PTPRD: variants seen among roughly 807,000 people sequenced by gnomAD.
The protein encoded by PTPRD is protein tyrosine phosphatase receptor type D, also known as receptor-type tyrosine-protein phosphatase delta.
A neutral mutation model predicts 214.5 loss-of-function variants in PTPRD; 34 were observed. The observed-to-expected ratio is 0.16, with a 90% CI of 0.12 to 0.21. The LOEUF is 0.21. PTPRD is among the 10% of genes least tolerant of loss of function. The pLI, the probability that PTPRD is intolerant of heterozygous loss-of-function variation, is 1.00. For missense variants in PTPRD, 2,545 were observed against 2,398.7 expected (o/e 1.06, Z -1.27); for synonymous variants, 1,128 against 845.7 (o/e 1.33, Z -5.79).
At chr9:9,019,285 A>G (rs1189975005) in intron 10 of PTPRD, among the ~76,000 whole-genome samples, 1 of 30,936 alleles carries the variant, frequency 3.2e-5, no homozygotes, top group Non-Finnish European at 6.8e-5. Context: ...AAGAAAGAAG[A>G]AAGAAAGAAA....
At chr9:8,496,075 A>T (rs2097259535) in intron 26 of PTPRD, among the ~76,000 whole-genome samples, 1 of 151,950 alleles carries the variant, frequency 6.6e-6, no homozygotes, top group South Asian at 2.1e-4. Context: ...TGTCAGGCTC[A>T]CTGTCACGTG....
intron 10 of PTPRD, among the ~76,000 whole-genome samples, chr9:9,118,423 A>T (rs2099814376): frequency 6.6e-6 from 1 of 152,084 alleles, no homozygotes; most frequent in Non-Finnish European, 1.5e-5. Flanking sequence ...CCAATTTCAC[A>T]CTACATGCAC....
chr9:9,823,162 G>C (rs963493079), intron 5 of PTPRD, among the ~76,000 whole-genome samples: 7 of 151,940 alleles, frequency 4.6e-5, no homozygotes, highest in African/African-American at 1.7e-4. Flanking sequence ...CCTGAGACTG[G>C]GTAATTTATA....
At chr9:10,160,564 G>C (rs992357537) in intron 3 of PTPRD, among the ~76,000 whole-genome samples, 2 of 151,730 alleles carry the variant, frequency 1.3e-5, no homozygotes, top group East Asian at 3.9e-4. Context: ...ACTGGATATA[G>C]AAAAAACATA....
chr9:9,752,390 A>T (rs779283379), intron 6 of PTPRD, among the ~76,000 whole-genome samples: 21 of 152,036 alleles, frequency 1.4e-4, no homozygotes, highest in Non-Finnish European at 2.4e-4. Context: ...TTCATTTTAG[A>T]GATGAACAAA....
chr9:9,118,453 AC>A (rs1180478855), intron 10 of PTPRD, among the ~76,000 whole-genome samples: 1 of 152,150 alleles, frequency 6.6e-6, no homozygotes, highest in Non-Finnish European at 1.5e-5. Flanking sequence ...GTACCCAGCA[AC>A]TTTTTAGTCA....
intron 36 of PTPRD, among the ~76,000 whole-genome samples, chr9:8,402,038 T>G (rs2092458631): frequency 6.6e-6 from 1 of 152,186 alleles, no homozygotes; most frequent in African/African-American, 2.4e-5. Context: ...TGCCAGTATT[T>G]TCTCTTCTGT....
intron 11 of PTPRD, among the ~76,000 whole-genome samples, chr9:8,737,780 G>A (rs113877499): frequency 0.021 from 3,229 of 152,130 alleles, 94 homozygotes; most frequent in African/African-American, 0.064. Flanking sequence ...CCTCCTGAGT[G>A]GCTGGGATTA....
intron 3 of PTPRD, among the ~76,000 whole-genome samples, chr9:10,171,446 T>C (rs2099205191): frequency 6.6e-6 from 1 of 152,186 alleles, no homozygotes; most frequent in Admixed American, 6.5e-5. Flanking sequence ...TGACATGATT[T>C]GAGGCGTCCC....
At chr9:9,501,636 T>A (rs2154225167) in intron 8 of PTPRD, among the ~76,000 whole-genome samples, 1 of 152,008 alleles carries the variant, frequency 6.6e-6, no homozygotes, top group South Asian at 2.1e-4. Context: ...TATGAAATAT[T>A]TACTAAAATA....
At chr9:10,353,279 C>T (rs1421853413) in intron 2 of PTPRD, among the ~76,000 whole-genome samples, 3 of 151,782 alleles carry the variant, frequency 2.0e-5, no homozygotes, top group African/African-American at 7.3e-5. Context: ...AAAACACATC[C>T]TCTGTGAAAA....
At chr9:10,100,606 A>G (rs926934334) in intron 3 of PTPRD, among the ~76,000 whole-genome samples, 1 of 151,602 alleles carries the variant, frequency 6.6e-6, no homozygotes, top group Non-Finnish European at 1.5e-5. Context: ...TTACTGTAAG[A>G]CTCTTTTTGT....
intron 7 of PTPRD, among the ~76,000 whole-genome samples, chr9:9,575,906 T>C (rs1028595986): frequency 2.0e-5 from 3 of 151,966 alleles, no homozygotes; most frequent in African/African-American, 7.2e-5. Flanking sequence ...TACTATTTTA[T>C]ATGAACAAGA....
intron 2 of PTPRD, among the ~76,000 whole-genome samples, chr9:10,587,849 G>A (rs1388933060): frequency 3.3e-5 from 5 of 152,028 alleles, no homozygotes; most frequent in Admixed American, 6.6e-5. Context: ...TATAAACACA[G>A]ATGATGGAAA....
intron 11 of PTPRD, among the ~76,000 whole-genome samples, chr9:8,884,485 C>T (rs140382864): frequency 6.4e-4 from 98 of 152,208 alleles, no homozygotes; most frequent in African/African-American, 2.2e-3. Context: ...GAGTTTGGAG[C>T]TGGACTAAGT....
intron 7 of PTPRD, among the ~76,000 whole-genome samples, chr9:9,594,985 A>G (rs2093144903): frequency 1.3e-5 from 2 of 152,046 alleles, no homozygotes; most frequent in African/African-American, 4.8e-5. Context: ...ATATGGAAAA[A>G]TGCTCAACAT....
At chr9:8,322,759 C>G (rs964088568) in intron 44 of PTPRD, among the ~76,000 whole-genome samples, 4 of 152,258 alleles carry the variant, frequency 2.6e-5, no homozygotes, top group Non-Finnish European at 5.9e-5. Context: ...TCAATGTAGA[C>G]AAACATCATT....
At chr9:9,906,521 T>C (rs1444785933) in intron 5 of PTPRD, among the ~76,000 whole-genome samples, 3 of 151,980 alleles carry the variant, frequency 2.0e-5, no homozygotes, top group African/African-American at 7.2e-5. Context: ...ATAGTTACAT[T>C]GGTCATCCAA....
At chr9:9,648,618 C>G (rs934176916) in intron 7 of PTPRD, among the ~76,000 whole-genome samples, 3 of 152,102 alleles carry the variant, frequency 2.0e-5, no homozygotes, top group African/African-American at 7.2e-5. Context: ...ATTTAGCAAA[C>G]AGTAAACATG....
Sources: allele counts gnomAD v4.1 joint callset (sites outside exome capture counted in the v4.1 genomes callset), GRCh38; gene constraint gnomAD v4.1.1; transcripts MANE v1.5; gene names NCBI Gene and HGNC (gene_info 2026-07-23, HGNC 2026-07-21).